PAK2: variants seen among roughly 807,000 people sequenced by gnomAD.
PAK2 encodes serine/threonine-protein kinase PAK 2.
PAK2 carries 21 observed loss-of-function variants against 65.9 expected under a neutral mutation model. The observed-to-expected ratio is 0.32, with a 90% CI of 0.23 to 0.46. PAK2 has a LOEUF of 0.46. PAK2 is among the 20% of genes least tolerant of loss of function. The pLI, the probability that PAK2 is intolerant of heterozygous loss-of-function variation, is 1.00. For missense variants in PAK2, 324 were observed against 642.6 expected, an observed-to-expected ratio of 0.50 and a Z score of 5.36; for synonymous variants, 204 against 219.7, an observed-to-expected ratio of 0.93 and a Z score of 0.63.
intron 4 of PAK2, 63 bp from the exon 5 acceptor site, chr3:196,805,289 C>A: frequency 4.0e-6 from 3 of 756,662 alleles, no homozygotes; most frequent in African/African-American, 1.9e-5. Flanking sequence ...TTTTTTTTTT[C>A]CTTTTATCAT....
At chr3:196,816,072 A>T (rs1716019194) in intron 11 of PAK2, among the ~76,000 whole-genome samples, 1 of 152,144 alleles carries the variant, frequency 6.6e-6, no homozygotes, top group Admixed American at 6.6e-5. Context: ...ATTTGGGCTA[A>T]TGGTTTGCTT....
intron 4 of PAK2, among the ~76,000 whole-genome samples, chr3:196,803,510 T>C (rs1301512251): frequency 6.6e-6 from 1 of 152,212 alleles, no homozygotes; most frequent in African/African-American, 2.4e-5. Flanking sequence ...CGCTGGTTGA[T>C]AGACATGTTC....
At chr3:196,769,877 T>C (rs1342367113) in intron 1 of PAK2, among the ~76,000 whole-genome samples, 1 of 152,068 alleles carries the variant, frequency 6.6e-6, no homozygotes. Flanking sequence ...CTCTGCATGT[T>C]GCACTTTGCC....
At chr3:196,750,626 C>A (rs536538653) in intron 1 of PAK2, among the ~76,000 whole-genome samples, 2 of 151,172 alleles carry the variant, frequency 1.3e-5, no homozygotes, top group Non-Finnish European at 2.9e-5. Flanking sequence ...CATTATCTTT[C>A]CTTGCTGTTT....
Position 196,814,563 on chromosome 3 carries a change from A to G in PAK2, c.1048A>G (p.Arg350Gly). Reference sequence around the variant, plus strand: ...TGAAGCACAGATTGCTGCTGTATGCAGAGAGGTAGGTTTGCCTCCTTCTTG... The same window carrying G: ...TGAAGCACAGATTGCTGCTGTATGCGGAGAGGTAGGTTTGCCTCCTTCTTG... The part of the protein sequence containing the change: ...MDEAQIAAVC[R>G]ECLQALEFLH... The change falls in exon 11 of 15, where the codon AGA becomes GGA. Residue 350 changes from arginine to glycine, a missense_variant. Arg to Gly is a moderately radical substitution (Grantham distance 125). Around this residue, in one of 5 missense-constraint regions of PAK2, gnomAD observed 36 missense variants for 161.5 expected, o/e 0.22. Coordinates refer to ENST00000327134, the MANE Select transcript of PAK2 (RefSeq NM_002577.4). The G allele has an allele frequency of 7.6e-6, 10 of 1,310,748 alleles. No homozygotes were observed. The highest frequency in any genetic ancestry group is 1.1e-5 in the Non-Finnish European group (10 of 908,398). The allele number at this position is 1,310,748 out of a possible 1,614,324, so 81.2% of individuals were successfully genotyped here.
At chr3:196,742,564 A>C (rs1410588592) in intron 1 of PAK2, among the ~76,000 whole-genome samples, 1 of 152,206 alleles carries the variant, frequency 6.6e-6, no homozygotes, top group Non-Finnish European at 1.5e-5. Context: ...TTATAATAAT[A>C]TTTGAGTATA....
chr3:196,796,996 C>G (rs1271324463), intron 2 of PAK2, among the ~76,000 whole-genome samples: 1 of 152,032 alleles, frequency 6.6e-6, no homozygotes, highest in Non-Finnish European at 1.5e-5. Context: ...TCGGAGATTC[C>G]AAAACTTCTC....
chr3:196,786,288 G>A (rs994885497), intron 2 of PAK2, among the ~76,000 whole-genome samples: 4 of 150,580 alleles, frequency 2.7e-5, no homozygotes, highest in African/African-American at 4.9e-5. Context: ...TCAGCCTCCC[G>A]AGTAGCTGGG....
intron 2 of PAK2, among the ~76,000 whole-genome samples, chr3:196,793,006 C>T (rs1715123052): frequency 1.3e-5 from 2 of 152,000 alleles, no homozygotes; most frequent in South Asian, 2.1e-4. Flanking sequence ...TGTAGAAATT[C>T]TGGAAGCTCA....
intron 1 of PAK2, among the ~76,000 whole-genome samples, chr3:196,768,015 C>T (rs1038324144): frequency 3.3e-5 from 5 of 151,996 alleles, no homozygotes; most frequent in Admixed American, 3.3e-4. Context: ...AAAGTACAAG[C>T]TCCTCTTGGT....
intron 1 of PAK2, among the ~76,000 whole-genome samples, chr3:196,748,638 G>T (rs545165641): frequency 6.6e-6 from 1 of 152,116 alleles, no homozygotes; most frequent in Non-Finnish European, 1.5e-5. Flanking sequence ...AGGTTCTTCC[G>T]TGTCTTTTCA....
rs1338894727 is a variant in PAK2, at chr3:196,740,082, C to G, written c.-97C>G. Reference sequence around the variant, plus strand: ...CTCCCCTCCCCGCACCGCGCGCTAGCCCGGGGCGGCTCCGCAGCCCGCCGG... The same window carrying G: ...CTCCCCTCCCCGCACCGCGCGCTAGGCCGGGGCGGCTCCGCAGCCCGCCGG... On this transcript the variant is annotated 5_prime_UTR_variant, in exon 1 of 15. Coordinates refer to ENST00000327134, the MANE Select transcript of PAK2 (RefSeq NM_002577.4). 1 of 151,934 alleles carries G rather than the reference C, an allele frequency of 6.6e-6. No individual in the cohort carries two copies. Among genetic ancestry groups the G allele is most frequent in the East Asian group, 1.9e-4 (1 of 5,158 alleles). 9.4% of individuals were successfully genotyped at this position (151,934 alleles called of 1,614,324 possible). A position where few individuals can be genotyped will look rare whatever the true frequency, so the allele number is the denominator to read the frequency against.
intron 13 of PAK2, among the ~76,000 whole-genome samples, chr3:196,825,527 CAGCTACTCGG>C (rs1477606053): frequency 6.6e-6 from 1 of 151,940 alleles, no homozygotes; most frequent in East Asian, 1.9e-4. Context: ...CCTATAATCC[CAGCTACTCGG>C]AAGGCTGAGG....
Position 196,829,404 on chromosome 3 carries a change from T to C in PAK2, c.*999T>C, listed in dbSNP as rs1577759198. 3.3e-5 allele frequency: 5 copies of C among 152,682 alleles called. No individual in the cohort carries two copies. The allele number at this position is 152,682 out of a possible 1,614,324, so 9.5% of individuals were successfully genotyped here. A position where few individuals can be genotyped will look rare whatever the true frequency, so the allele number is the denominator to read the frequency against. On this transcript the variant is annotated 3_prime_UTR_variant, in exon 15 of 15. Coordinates refer to ENST00000327134, the MANE Select transcript of PAK2 (RefSeq NM_002577.4). ...CATTAATCCTCTCTCACCTCACAGA[T>C]ACCCCCTCCCATGGCAAATAATATA...
chr3:196,806,743 CAG>C, intron 6 of PAK2, 57 bp downstream of exon 6: 1 of 1,019,842 alleles, frequency 9.8e-7, no homozygotes, highest in East Asian at 2.4e-5. Context: ...TAAAAAATAG[CAG>C]AGTTTGTATT....
At chr3:196,814,358 T>A in intron 10 of PAK2, 93 bp from the exon 11 acceptor site, 1 of 623,508 alleles carries the variant, frequency 1.6e-6, no homozygotes, top group South Asian at 2.1e-5. Context: ...AGTTTTATTG[T>A]TAGGGTGTTT....
At position 196,826,521 on chromosome 3, in the gene PAK2, A is replaced by AT. The variant is rs555553568; in HGVS notation, c.1351-667dup. Among the ~76,000 whole-genome samples the AT allele has an allele frequency of 3.7e-4, 56 of 150,578 alleles. 2 individuals are homozygous for AT. The South Asian group carries it at 5.3e-3, about 14-fold the overall frequency. On this transcript the variant is annotated intron_variant, in intron 13 of 14. Transcript: ENST00000327134. Reference sequence around the variant, plus strand: ...TGTTTTTTAAGTTTTAACAAATCTCATTTTTTTTAATGATATGTATGACTT... The same window carrying AT: ...TGTTTTTTAAGTTTTAACAAATCTCATTTTTTTTTAATGATATGTATGACTT...
chr3:196,753,573 C>T (rs1199093467), intron 1 of PAK2, among the ~76,000 whole-genome samples: 1 of 152,214 alleles, frequency 6.6e-6, no homozygotes, highest in Non-Finnish European at 1.5e-5. Context: ...ATTCATTGCT[C>T]ATTGCCAGCT....
chr3:196,789,838 C>T (rs1715011351), intron 2 of PAK2, among the ~76,000 whole-genome samples: 2 of 152,194 alleles, frequency 1.3e-5, no homozygotes, highest in African/African-American at 4.8e-5. Flanking sequence ...GATCATCAGA[C>T]ATTAGTTAGA....
Sources: gnomAD v4.1 joint callset for allele counts (sites outside exome capture counted in the v4.1 genomes callset) on GRCh38, gnomAD v4.1.1 for gene constraint, gnomAD v4.1.1 regional missense constraint, MANE v1.5 for transcripts, NCBI Gene and HGNC (gene_info 2026-07-23, HGNC 2026-07-21) for gene names.